Variants in ZNF385B observed in about 807,000 individuals in gnomAD.
ZNF385B encodes the protein zinc finger protein 533.
Under a neutral mutation model 39.2 loss-of-function variants are expected in ZNF385B, and 23 were observed. The observed-to-expected ratio is 0.59, with a 90% CI of 0.42 to 0.83. ZNF385B has a LOEUF of 0.83. Ranked by LOEUF, ZNF385B falls within the 40% of genes least tolerant of loss-of-function variation. The pLI, the probability that ZNF385B is intolerant of heterozygous loss-of-function variation, is 0.00. For missense variants in ZNF385B, 552 were observed against 598.9 expected, an observed-to-expected ratio of 0.92 and a Z score of 0.82; for synonymous variants, 205 against 222.6, an observed-to-expected ratio of 0.92 and a Z score of 0.70.
At chr2:179,655,500 A>T (rs1326807812) in intron 3 of ZNF385B, among the ~76,000 whole-genome samples, 1 of 152,036 alleles carries the variant, frequency 6.6e-6, no homozygotes, top group Non-Finnish European at 1.5e-5. Flanking sequence ...AGCAAAAAAA[A>T]AAAACCCTGA....
intron 1 of ZNF385B, among the ~76,000 whole-genome samples, chr2:179,811,037 A>G (rs1706702140): frequency 6.6e-6 from 1 of 152,126 alleles, no homozygotes; most frequent in Non-Finnish European, 1.5e-5. Flanking sequence ...AGCCAAATCA[A>G]GAATGCAATC....
chr2:179,817,511 G>C (rs1193842988), intron 1 of ZNF385B, among the ~76,000 whole-genome samples: 3 of 152,134 alleles, frequency 2.0e-5, no homozygotes, highest in Admixed American at 6.5e-5. Flanking sequence ...GTAATCACAT[G>C]AAATAATTGG....
At chr2:179,493,808 T>TACATATATGTATACATATATGTATATAC (rs2055845154) in intron 5 of ZNF385B, among the ~76,000 whole-genome samples, 2 of 38,524 alleles carry the variant, frequency 5.2e-5, no homozygotes, top group Non-Finnish European at 1.2e-4. Context: ...TATGTATATA[T>TACATATATGTATACATATATGTATATAC]ACATATATAT....
At chr2:179,719,753 C>G (rs1265844992) in intron 3 of ZNF385B, among the ~76,000 whole-genome samples, 1 of 152,196 alleles carries the variant, frequency 6.6e-6, no homozygotes, top group Non-Finnish European at 1.5e-5. Flanking sequence ...TTTCCTGATC[C>G]TATAAAAATA....
At chr2:179,803,789 C>G (rs897788311) in intron 1 of ZNF385B, among the ~76,000 whole-genome samples, 5 of 152,008 alleles carry the variant, frequency 3.3e-5, no homozygotes, top group Non-Finnish European at 7.4e-5. Flanking sequence ...AAAAATACAG[C>G]CAGTAACAGA....
intron 1 of ZNF385B, among the ~76,000 whole-genome samples, chr2:179,828,802 T>C (rs1707818944): frequency 1.3e-5 from 2 of 152,210 alleles, no homozygotes; most frequent in South Asian, 2.1e-4. Flanking sequence ...ATGGGTTTTA[T>C]GGATTGCCTG....
intron 3 of ZNF385B, among the ~76,000 whole-genome samples, chr2:179,759,583 T>C (rs1394248353): frequency 6.6e-6 from 1 of 152,204 alleles, no homozygotes; most frequent in Admixed American, 6.5e-5. Context: ...TGCATCTGCA[T>C]TGCCATTGCC....
At chr2:179,501,562 G>C (rs1413022892) in intron 5 of ZNF385B, among the ~76,000 whole-genome samples, 2 of 152,146 alleles carry the variant, frequency 1.3e-5, no homozygotes, top group South Asian at 2.1e-4. Context: ...AGAGTAGAAG[G>C]ATGGTTACCA....
intron 3 of ZNF385B, among the ~76,000 whole-genome samples, chr2:179,732,445 CA>C (rs1285846700): frequency 1.3e-5 from 2 of 152,240 alleles, no homozygotes; most frequent in Non-Finnish European, 2.9e-5. Context: ...CAAAGAAGAA[CA>C]TATTTCAAAG....
At chr2:179,562,371 T>G (rs1473373581) in intron 3 of ZNF385B, 1 of 984,344 alleles carries the variant, frequency 1.0e-6, no homozygotes, top group Non-Finnish European at 1.2e-6. Context: ...CCTTAAGATG[T>G]AAATGTGGGT....
chr2:179,708,238 C>G (rs1270929407), intron 3 of ZNF385B, among the ~76,000 whole-genome samples: 1 of 152,182 alleles, frequency 6.6e-6, no homozygotes, highest in Non-Finnish European at 1.5e-5. Context: ...TTCCCCCACG[C>G]TGTTCTCTTG....
intron 5 of ZNF385B, among the ~76,000 whole-genome samples, chr2:179,497,402 G>T (rs1471627398): frequency 6.6e-6 from 1 of 152,004 alleles, no homozygotes; most frequent in Non-Finnish European, 1.5e-5. Flanking sequence ...GTTAAAAAGT[G>T]GGGGGATAAA....
At chr2:179,855,807 T>G (rs1684547895) in intron 1 of ZNF385B, among the ~76,000 whole-genome samples, 1 of 152,052 alleles carries the variant, frequency 6.6e-6, no homozygotes, top group Non-Finnish European at 1.5e-5. Flanking sequence ...ACAACCACAG[T>G]GTGCACAGTA....
At chr2:179,822,770 T>G (rs918208824) in intron 1 of ZNF385B, among the ~76,000 whole-genome samples, 26 of 152,210 alleles carry the variant, frequency 1.7e-4, no homozygotes, top group African/African-American at 5.5e-4. Flanking sequence ...CCTTTTTCCA[T>G]TCTAAAGAAT....
At chr2:179,511,890 T>C (rs547139162) in intron 5 of ZNF385B, among the ~76,000 whole-genome samples, 209 of 152,128 alleles carry the variant, frequency 1.4e-3, no homozygotes, top group African/African-American at 4.9e-3. Flanking sequence ...AAATAAAAAA[T>C]ATCAACAGAT....
At chr2:179,469,840 C>A (rs1026156226) in intron 6 of ZNF385B, among the ~76,000 whole-genome samples, 1 of 152,202 alleles carries the variant, frequency 6.6e-6, no homozygotes, top group Non-Finnish European at 1.5e-5. Context: ...GCGCTATGAG[C>A]TGTTAACCAC....
At chr2:179,647,185 A>G (rs907366410) in intron 3 of ZNF385B, among the ~76,000 whole-genome samples, 1 of 152,224 alleles carries the variant, frequency 6.6e-6, no homozygotes, top group African/African-American at 2.4e-5. Flanking sequence ...TTAGCATGAA[A>G]GAATCTAACA....
intron 3 of ZNF385B, among the ~76,000 whole-genome samples, chr2:179,576,947 T>C (rs1177032424): frequency 1.3e-5 from 2 of 152,188 alleles, no homozygotes; most frequent in Non-Finnish European, 2.9e-5. Context: ...TATGTTATGA[T>C]AAAAACCGGT....
intron 5 of ZNF385B, among the ~76,000 whole-genome samples, chr2:179,493,242 T>A (rs1368847543): frequency 6.6e-6 from 1 of 152,074 alleles, no homozygotes; most frequent in African/African-American, 2.4e-5. Context: ...TCAGAAGACA[T>A]GCTTTGTGAC....
Sources: allele counts gnomAD v4.1 joint callset (sites outside exome capture counted in the v4.1 genomes callset), GRCh38; gene constraint gnomAD v4.1.1; transcripts MANE v1.5; gene names NCBI Gene and HGNC (gene_info 2026-07-23, HGNC 2026-07-21).